Variants in PIK3C2G observed in about 807,000 individuals in gnomAD.
PIK3C2G encodes phosphatidylinositol-4-phosphate 3-kinase catalytic subunit type 2 gamma.
Under a neutral mutation model 181.1 loss-of-function variants are expected in PIK3C2G, and 168 were observed. The ratio of observed to expected loss-of-function variants is 0.93; its 90% CI spans 0.82 to 1.05. The LOEUF (loss-of-function observed/expected upper bound fraction) is 1.05. PIK3C2G is among the 50% of genes least tolerant of loss of function. The pLI, the probability that PIK3C2G is intolerant of heterozygous loss-of-function variation, is 0.00. For missense variants in PIK3C2G, 1,869 were observed against 1,732.8 expected, an observed-to-expected ratio of 1.08 and a Z score of -1.40; for synonymous variants, 573 against 592.2, an observed-to-expected ratio of 0.97 and a Z score of 0.47.
intron 31 of PIK3C2G, among the ~76,000 whole-genome samples, chr12:18,627,727 C>T (rs987174435): frequency 1.3e-5 from 2 of 152,102 alleles, no homozygotes; most frequent in Non-Finnish European, 2.9e-5. Context: ...TGATGGCTAA[C>T]CTGAATTTAA....
intron 31 of PIK3C2G, among the ~76,000 whole-genome samples, chr12:18,612,837 T>A (rs1948411940): frequency 6.6e-6 from 1 of 152,150 alleles, no homozygotes; most frequent in Non-Finnish European, 1.5e-5. Context: ...GTATTGTTTA[T>A]CTTTTATTAA....
At position 18,497,396 on chromosome 12, in the gene PIK3C2G, A is replaced by G. The variant is rs17847803; in HGVS notation, c.2887-223A>G. Among the ~76,000 whole-genome samples the G allele has an allele frequency of 2.6e-5, 4 of 152,236 alleles. No individual in the cohort carries two copies. In the East Asian group the frequency reaches 7.7e-4, roughly 29 times the overall value. ...AACAACATTCCAAGCAGCACCTCTA[A>G]TTTGATGGTTGAAGCTTCTGTAATT... On this transcript the variant is annotated intron_variant, in intron 21 of 32. Transcript: ENST00000538779.
chr12:18,394,514 T>A (rs1203313333), intron 15 of PIK3C2G, among the ~76,000 whole-genome samples: 2 of 152,066 alleles, frequency 1.3e-5, no homozygotes, highest in Non-Finnish European at 2.9e-5. Context: ...CAAAGAGTTT[T>A]AAATTAGCAA....
At chr12:18,578,403 T>C (rs1227611087) in intron 29 of PIK3C2G, among the ~76,000 whole-genome samples, 2 of 152,180 alleles carry the variant, frequency 1.3e-5, no homozygotes, top group Non-Finnish European at 2.9e-5. Flanking sequence ...TGTCATCAGA[T>C]GTTGCTCAGC....
chr12:18,592,752 A>G (rs139326259), intron 29 of PIK3C2G, among the ~76,000 whole-genome samples: 14 of 152,056 alleles, frequency 9.2e-5, no homozygotes, highest in African/African-American at 3.1e-4. Context: ...GACAGAATTG[A>G]CCATATTTTA....
intron 18 of PIK3C2G, among the ~76,000 whole-genome samples, chr12:18,426,639 T>C (rs1004593468): frequency 6.6e-6 from 1 of 152,178 alleles, no homozygotes; most frequent in Non-Finnish European, 1.5e-5. Flanking sequence ...TTTAGTTGCT[T>C]TGATTGATAG....
chr12:18,672,260 G>T, the PIK3C2G span, among the ~76,000 whole-genome samples: 1 of 152,064 alleles, frequency 6.6e-6, no homozygotes, highest in Non-Finnish European at 1.5e-5. Context: ...AAATACAACT[G>T]TCTTATTCTA....
At position 18,471,155 on chromosome 12, in the gene PIK3C2G, C is replaced by T. The variant is rs542543900; in HGVS notation, c.2505-17294C>T. Among the ~76,000 whole-genome samples the T allele has an allele frequency of 2.0e-5, 3 of 152,216 alleles. No homozygotes were observed. In the East Asian group the frequency reaches 5.8e-4, roughly 29 times the overall value. ...ATGAAAAAACTTGTACTCATTTTGA[C>T]AGACTTTCTGGTATGCCATAAAGAT... On this transcript the variant is annotated intron_variant, in intron 18 of 32. Transcript: ENST00000538779.
chr12:18,378,196 T>G (rs1185755338), intron 13 of PIK3C2G, among the ~76,000 whole-genome samples: 1 of 152,130 alleles, frequency 6.6e-6, no homozygotes, highest in Non-Finnish European at 1.5e-5. Flanking sequence ...CCACTCAGAT[T>G]TCTGGAGTAA....
intron 24 of PIK3C2G, among the ~76,000 whole-genome samples, chr12:18,531,014 C>A (rs1227350996): frequency 6.6e-6 from 1 of 152,116 alleles, no homozygotes; most frequent in African/African-American, 2.4e-5. Context: ...ATTTGATTTA[C>A]CTGCAAATTT....
the PIK3C2G span, among the ~76,000 whole-genome samples, chr12:18,671,361 C>T: frequency 6.6e-6 from 1 of 151,764 alleles, no homozygotes; most frequent in Non-Finnish European, 1.5e-5. Flanking sequence ...GTAAGTACAG[C>T]TGGGAAGAAA....
intron 29 of PIK3C2G, among the ~76,000 whole-genome samples, chr12:18,570,668 G>A (rs1479641486): frequency 2.0e-5 from 3 of 150,150 alleles, no homozygotes; most frequent in African/African-American, 7.5e-5. Flanking sequence ...AGGGCAAGCA[G>A]GTGCAGGTTC....
intron 31 of PIK3C2G, among the ~76,000 whole-genome samples, chr12:18,623,216 T>G (rs1948941674): frequency 6.6e-6 from 1 of 151,888 alleles, no homozygotes; most frequent in African/African-American, 2.4e-5. Context: ...GAGTTGATTT[T>G]TATGTATGGT....
chr12:18,592,444 A>G (rs1476296744), intron 29 of PIK3C2G, among the ~76,000 whole-genome samples: 1 of 151,898 alleles, frequency 6.6e-6, no homozygotes, highest in Admixed American at 6.6e-5. Flanking sequence ...GGAAATTCCC[A>G]TTGGTTTTGA....
Position 18,282,603 on chromosome 12 carries a change from C to T in PIK3C2G, c.522C>T (p.Ser174=), listed in dbSNP as rs375055451. 3.4e-4 allele frequency: 541 copies of T among 1,612,740 alleles called. No individual in the cohort carries two copies. Among genetic ancestry groups the T allele is most frequent in the Non-Finnish European group, 4.5e-4 (532 of 1,179,062 alleles). ...NHNYHIGFES[S]IPPTNSSFSS... ...ACTACCATATAGGATTTGAAAGTAG[C>T]ATTCCTCCAACAAATTCATCCTTCT... The change falls in exon 2 of 33, where the codon AGC becomes AGT. Residue 174 remains serine, a synonymous_variant. Coordinates refer to ENST00000538779, the MANE Select transcript of PIK3C2G (RefSeq NM_001288772.2).
At chr12:18,486,809 G>A (rs1362872970) in intron 18 of PIK3C2G, among the ~76,000 whole-genome samples, 2 of 152,134 alleles carry the variant, frequency 1.3e-5, no homozygotes, top group African/African-American at 4.8e-5. Context: ...TGTGCTCAAA[G>A]CACTGTGAGA....
At chr12:18,460,447 G>A (rs140702725) in intron 18 of PIK3C2G, among the ~76,000 whole-genome samples, 4,466 of 151,700 alleles carry the variant, frequency 0.029, 90 homozygotes, top group Non-Finnish European at 0.048. Flanking sequence ...GGTGGCACGC[G>A]CCTGTAATCC....
the PIK3C2G span, among the ~76,000 whole-genome samples, chr12:18,696,917 ATTTGTAG>A: frequency 3.7e-4 from 57 of 152,246 alleles, no homozygotes; most frequent in African/African-American, 1.3e-3. Flanking sequence ...ATCTCTACGT[ATTTGTAG>A]TATACACACA....
At position 18,630,781 on chromosome 12, in the gene PIK3C2G, A is replaced by G. The variant is rs1022440796; in HGVS notation, c.4183-9648A>G. Among the ~76,000 whole-genome samples, 4 of 152,322 alleles carry G rather than the reference A, an allele frequency of 2.6e-5. No individual in the cohort carries two copies. In the South Asian group the frequency reaches 8.3e-4, roughly 32 times the overall value. On this transcript the variant is annotated intron_variant, in intron 31 of 32. Coordinates refer to ENST00000538779, the MANE Select transcript of PIK3C2G (RefSeq NM_001288772.2). ...TGACTTCATATTACCTTCTGAGCAC[A>G]GTAATATTATTACCTGGAATTCTAA...
Sources: gnomAD v4.1 joint callset for allele counts (sites outside exome capture counted in the v4.1 genomes callset) on GRCh38, gnomAD v4.1.1 for gene constraint, MANE v1.5 for transcripts, NCBI Gene and HGNC (gene_info 2026-07-23, HGNC 2026-07-21) for gene names.